Variants in PDE4B observed in about 807,000 individuals in gnomAD.
The protein encoded by PDE4B is 3',5'-cyclic-AMP phosphodiesterase 4B.
PDE4B carries 20 observed loss-of-function variants against 82.2 expected under a neutral mutation model. The ratio of observed to expected loss-of-function variants is 0.24; its 90% CI spans 0.17 to 0.35. The LOEUF (loss-of-function observed/expected upper bound fraction) is 0.35, where lower values mean the gene tolerates loss of function less well. Among genes scored for constraint, PDE4B ranks in the 10% least tolerant of loss-of-function variants. The pLI, the probability that PDE4B is intolerant of heterozygous loss-of-function variation, is 1.00. For missense variants in PDE4B, 655 were observed against 907.2 expected (o/e 0.72, Z 3.57); for synonymous variants, 320 against 318.9 (o/e 1.00, Z -0.04).
intron 6 of PDE4B, among the ~76,000 whole-genome samples, chr1:66,264,971 C>T (rs1310933715): frequency 2.0e-5 from 3 of 152,344 alleles, no homozygotes; most frequent in Non-Finnish European, 2.9e-5. Context: ...GAGTCGGCTG[C>T]GTATCCATGT....
At chr1:66,332,368 G>A (rs1660181246) in intron 7 of PDE4B, 140 bp from the exon 8 acceptor site, 3 of 1,612,042 alleles carry the variant, frequency 1.9e-6, no homozygotes, top group African/African-American at 2.7e-5. Context: ...AGAGCTGGAA[G>A]GAAGGAGCCA....
chr1:66,008,321 C>T (rs1458792519), intron 3 of PDE4B, among the ~76,000 whole-genome samples: 1 of 152,088 alleles, frequency 6.6e-6, no homozygotes, highest in East Asian at 1.9e-4. Flanking sequence ...CATTCATTCA[C>T]TCATTCATTC....
Position 66,363,154 on chromosome 1 carries a change from A to T in PDE4B, c.1021-14A>T, listed in dbSNP as rs1008499263. 4 of 1,558,116 alleles carry T rather than the reference A, an allele frequency of 2.6e-6. No individual in the cohort carries two copies. Among genetic ancestry groups the T allele is most frequent in the Non-Finnish European group, 3.5e-6 (4 of 1,139,836 alleles). On this transcript the variant is annotated splice_polypyrimidine_tract_variant and intron_variant, in intron 10 of 16. Transcript: ENST00000341517. ...TTTCCTTATTCCTAAATTCCTTTAA[A>T]TTTTTAATTATAGGAGCTGGAAGAC...
At chr1:65,810,859 A>G (rs142961242) in intron 1 of PDE4B, among the ~76,000 whole-genome samples, 374 of 152,314 alleles carry the variant, frequency 2.5e-3, no homozygotes, top group African/African-American at 7.9e-3. Flanking sequence ...TAGTGAGTTA[A>G]TGTGGAGGAT....
At chr1:66,259,283 G>A (rs572355334) in intron 6 of PDE4B, among the ~76,000 whole-genome samples, 75 of 152,232 alleles carry the variant, frequency 4.9e-4, no homozygotes, top group African/African-American at 1.7e-3. Context: ...TAATATAATA[G>A]TGACCAGAGC....
At chr1:66,042,316 T>A (rs1260457325) in intron 3 of PDE4B, among the ~76,000 whole-genome samples, 1 of 151,904 alleles carries the variant, frequency 6.6e-6, no homozygotes, top group African/African-American at 2.4e-5. Context: ...ACTTAATTTA[T>A]AATATATTTC....
At chr1:65,985,404 T>C (rs899641557) in intron 3 of PDE4B, among the ~76,000 whole-genome samples, 1 of 152,176 alleles carries the variant, frequency 6.6e-6, no homozygotes, top group African/African-American at 2.4e-5. Context: ...AATTTTACAG[T>C]GTAGATTAAT....
At chr1:66,270,909 G>A (rs1011143633) in intron 7 of PDE4B, among the ~76,000 whole-genome samples, 43 of 152,154 alleles carry the variant, frequency 2.8e-4, no homozygotes, top group African/African-American at 9.4e-4. Flanking sequence ...TTAATTACTC[G>A]CCTTCAGCGT....
At chr1:66,348,135 A>G (rs1004400803) in intron 8 of PDE4B, among the ~76,000 whole-genome samples, 2 of 152,184 alleles carry the variant, frequency 1.3e-5, no homozygotes, top group East Asian at 1.9e-4. Context: ...AAATGTTTCA[A>G]AATAAACCTT....
intron 3 of PDE4B, among the ~76,000 whole-genome samples, chr1:66,223,396 C>G (rs1307237829): frequency 2.0e-5 from 3 of 152,196 alleles, no homozygotes; most frequent in African/African-American, 7.2e-5. Context: ...GAGAGGCCAT[C>G]AGAACTAGCT....
intron 3 of PDE4B, among the ~76,000 whole-genome samples, chr1:66,238,909 C>T (rs1364495563): frequency 6.6e-6 from 1 of 152,140 alleles, no homozygotes; most frequent in Non-Finnish European, 1.5e-5. Flanking sequence ...GCTAAATGAC[C>T]ATTTATCTGC....
chr1:66,099,215 G>A (rs780728988), intron 3 of PDE4B, among the ~76,000 whole-genome samples: 23 of 151,960 alleles, frequency 1.5e-4, no homozygotes, highest in East Asian at 3.9e-4. Context: ...GAGAACATGC[G>A]GTGCTTGATT....
intron 7 of PDE4B, among the ~76,000 whole-genome samples, chr1:66,277,685 C>T (rs1444974800): frequency 2.0e-5 from 3 of 152,234 alleles, no homozygotes; most frequent in African/African-American, 4.8e-5. Context: ...TGAGCCACCA[C>T]GCCCGGCCTT....
chr1:66,276,486 G>C (rs1184940682), intron 7 of PDE4B, among the ~76,000 whole-genome samples: 1 of 152,208 alleles, frequency 6.6e-6, no homozygotes, highest in Non-Finnish European at 1.5e-5. Flanking sequence ...AAATGTCATA[G>C]CAAGAAAGCG....
chr1:66,055,402 A>G (rs1276117848), intron 3 of PDE4B, among the ~76,000 whole-genome samples: 1 of 152,264 alleles, frequency 6.6e-6, no homozygotes, highest in East Asian at 1.9e-4. Context: ...ATAAAAATAG[A>G]TAAAGGATTA....
chr1:66,202,316 A>G (rs372854964), intron 3 of PDE4B, among the ~76,000 whole-genome samples: 5 of 152,126 alleles, frequency 3.3e-5, no homozygotes, highest in African/African-American at 1.2e-4. Flanking sequence ...AAAAGAATGT[A>G]TATTCTGTTG....
chr1:66,075,334 A>C (rs1656364200), intron 3 of PDE4B, among the ~76,000 whole-genome samples: 1 of 152,044 alleles, frequency 6.6e-6, no homozygotes, highest in Admixed American at 6.6e-5. Flanking sequence ...ACAGCTGTTT[A>C]AAATGCATTG....
intron 6 of PDE4B, among the ~76,000 whole-genome samples, chr1:66,264,542 A>C (rs1048139526): frequency 6.6e-6 from 1 of 152,206 alleles, no homozygotes; most frequent in Non-Finnish European, 1.5e-5. Flanking sequence ...AGCAATCACT[A>C]TATGATAATT....
chr1:66,328,853 T>C (rs534522563), intron 7 of PDE4B, among the ~76,000 whole-genome samples: 5 of 152,334 alleles, frequency 3.3e-5, no homozygotes, highest in Admixed American at 3.3e-4. Flanking sequence ...GGCATGGCTG[T>C]GGTAGACAGA....
Sources: allele counts gnomAD v4.1 joint callset (sites outside exome capture counted in the v4.1 genomes callset), GRCh38; gene constraint gnomAD v4.1.1; transcripts MANE v1.5; gene names NCBI Gene and HGNC (gene_info 2026-07-23, HGNC 2026-07-21).